The following SLIT2 variants were observed in gnomAD, a reference collection of about 807,000 sequenced individuals.
SLIT2 encodes slit homolog 2 protein.
A neutral mutation model predicts 185.7 loss-of-function variants in SLIT2; 41 were observed. The observed-to-expected ratio is 0.22, with a 90% confidence interval of 0.17 to 0.29. The LOEUF is 0.29. Among genes scored for constraint, SLIT2 ranks in the 10% least tolerant of loss-of-function variants. SLIT2 has a pLI of 1.00. For synonymous variants in SLIT2, 693 were observed against 680.2 expected (o/e 1.02, Z -0.29); for missense variants, 1,571 against 1,909.0 (o/e 0.82, Z 3.30).
At chr4:20,352,181 A>G (rs1341038808) in intron 4 of SLIT2, among the ~76,000 whole-genome samples, 1 of 152,212 alleles carries the variant, frequency 6.6e-6, no homozygotes, top group African/African-American at 2.4e-5. Flanking sequence ...TTATAGCAGT[A>G]CTTAATGTGT....
chr4:20,347,528 A>G (rs1386878038), intron 4 of SLIT2, among the ~76,000 whole-genome samples: 1 of 152,184 alleles, frequency 6.6e-6, no homozygotes, highest in Non-Finnish European at 1.5e-5. Context: ...AGTGTATTTC[A>G]CCAAAGATAA....
intron 2 of SLIT2, among the ~76,000 whole-genome samples, 174 bp from the exon 3 acceptor site, chr4:20,257,694 C>T (rs1711990541): frequency 1.3e-5 from 2 of 151,838 alleles, no homozygotes; most frequent in Admixed American, 6.6e-5. Flanking sequence ...ACTGCTATTT[C>T]CCTTCCATGA....
At chr4:20,615,483 T>G (rs963082685) in intron 34 of SLIT2, 11 of 152,222 alleles carry the variant, frequency 7.2e-5, no homozygotes, top group African/African-American at 2.4e-4. Context: ...AAGCTGCCTT[T>G]GAGCATGCAC....
At chr4:20,464,096 TTA>T (rs1381594784) in intron 4 of SLIT2, among the ~76,000 whole-genome samples, 2 of 152,022 alleles carry the variant, frequency 1.3e-5, no homozygotes, top group Non-Finnish European at 2.9e-5. Flanking sequence ...TTTTTTCTGT[TTA>T]TAGTGTGGAC....
At position 20,387,068 on chromosome 4, in the gene SLIT2, C is replaced by T. The variant is rs113183474; in HGVS notation, c.396-80684C>T. Among the ~76,000 whole-genome samples the T allele has an allele frequency of 5.9e-4, 90 of 152,206 alleles. No homozygotes were observed. The South Asian group carries it at 0.014, about 24-fold the overall frequency. ...GTCTTACAGGACGGAATTACCTGAC[C>T]GCCTTCTGGTAGGGTGAGCCTGTGA... On this transcript the variant is annotated intron_variant, in intron 4 of 36. Transcript: ENST00000504154.
chr4:20,562,702 T>C (rs1364915900), intron 26 of SLIT2, among the ~76,000 whole-genome samples: 33 of 151,816 alleles, frequency 2.2e-4, no homozygotes, highest in Non-Finnish European at 7.4e-5. Flanking sequence ...TTGGTATTAT[T>C]AATAAAACTT....
At chr4:20,539,112 G>C (rs545803158) in intron 18 of SLIT2, among the ~76,000 whole-genome samples, 1 of 152,274 alleles carries the variant, frequency 6.6e-6, no homozygotes, top group South Asian at 2.1e-4. Context: ...AGGACTCAGA[G>C]AGCTGTAGGT....
intron 18 of SLIT2, among the ~76,000 whole-genome samples, chr4:20,535,026 C>T (rs770797995): frequency 2.6e-5 from 4 of 152,016 alleles, no homozygotes; most frequent in Non-Finnish European, 2.9e-5. Flanking sequence ...GAGGACTGGG[C>T]GCGGTGGCTC....
intron 4 of SLIT2, among the ~76,000 whole-genome samples, chr4:20,439,129 T>C (rs551587020): frequency 6.6e-5 from 10 of 152,334 alleles, no homozygotes; most frequent in African/African-American, 2.2e-4. Flanking sequence ...ATTTCCTTTG[T>C]CATTTTCAGG....
intron 33 of SLIT2, among the ~76,000 whole-genome samples, chr4:20,603,325 A>C (rs188414165): frequency 1.4e-3 from 208 of 152,294 alleles, no homozygotes; most frequent in African/African-American, 4.6e-3. Context: ...CCCTCCCATA[A>C]CACGGGGAAT....
intron 4 of SLIT2, among the ~76,000 whole-genome samples, chr4:20,363,104 A>T (rs1722866198): frequency 6.6e-6 from 1 of 152,096 alleles, no homozygotes; most frequent in South Asian, 2.1e-4. Flanking sequence ...CTTATACCTA[A>T]TTAAAAATAT....
rs77881028 is a variant in SLIT2 at position 20,579,302 on chromosome 4, A to G, written c.3088+10298A>G. 2.9e-3 allele frequency among the ~76,000 whole-genome samples: 416 copies of G among 142,684 alleles called. 3 individuals are homozygous for G. Among genetic ancestry groups the G allele is most frequent in the African/African-American group, 9.7e-3 (384 of 39,444 alleles). 93.6% of individuals were successfully genotyped at this position (142,684 alleles called of 152,430 possible). On this transcript the variant is annotated intron_variant, in intron 29 of 36. Coordinates refer to ENST00000504154, the MANE Select transcript of SLIT2 (RefSeq NM_004787.4). ...TGACAGAACAAGACTCCGTCTAGGG[A>G]AAAAAAAAAAAAATAGCCCAGCCAA...
At chr4:20,556,485 A>C (rs1724263740) in intron 26 of SLIT2, among the ~76,000 whole-genome samples, 1 of 152,020 alleles carries the variant, frequency 6.6e-6, no homozygotes. Flanking sequence ...CACAAATCTG[A>C]AAAAAGTTGC....
chr4:20,514,472 C>T (rs1560491215), intron 11 of SLIT2, among the ~76,000 whole-genome samples: 1 of 152,024 alleles, frequency 6.6e-6, no homozygotes, highest in Non-Finnish European at 1.5e-5. Context: ...GAAACCCCGT[C>T]TCTACTGAAA....
At chr4:20,614,123 T>C (rs1409745123) in intron 34 of SLIT2, among the ~76,000 whole-genome samples, 2 of 152,096 alleles carry the variant, frequency 1.3e-5, no homozygotes, top group Non-Finnish European at 2.9e-5. Flanking sequence ...TCCACCCACC[T>C]CGGCCTCCCA....
intron 4 of SLIT2, among the ~76,000 whole-genome samples, chr4:20,348,089 T>G (rs1376254112): frequency 1.3e-5 from 2 of 152,264 alleles, no homozygotes; most frequent in East Asian, 3.8e-4. Flanking sequence ...TGACCATTTA[T>G]GTATTTACGT....
chr4:20,371,344 C>T (rs1723555998), intron 4 of SLIT2, among the ~76,000 whole-genome samples: 1 of 152,078 alleles, frequency 6.6e-6, no homozygotes, highest in African/African-American at 2.4e-5. Flanking sequence ...CACTCCACCA[C>T]ACACACACCC....
At chr4:20,393,203 C>T (rs994801875) in intron 4 of SLIT2, 7 of 152,048 alleles carry the variant, frequency 4.6e-5, no homozygotes, top group African/African-American at 1.7e-4. Flanking sequence ...CTTTATATGG[C>T]TCATAACTGT....
chr4:20,472,351 TAG>T lies in SLIT2; in HGVS notation c.467+4530_467+4531del, dbSNP rs1330954273. Among the ~76,000 whole-genome samples the T allele has an allele frequency of 3.8e-4, 23 of 59,858 alleles. No homozygotes were observed. In the South Asian group the frequency reaches 5.6e-3, roughly 14 times the overall value. The allele number at this position is 59,858 out of a possible 152,430, so 39.3% of individuals were successfully genotyped here. A position where few individuals can be genotyped will look rare whatever the true frequency, so the allele number is the denominator to read the frequency against. On this transcript the variant is annotated intron_variant, in intron 5 of 36. Transcript: ENST00000504154. ...CTATATATAGATCTATATATAGATA[TAG>T]ATATCTATATAGATATCTATATCTA... is the stretch of plus-strand genomic sequence containing the variant.
Sources: gnomAD v4.1 joint callset for allele counts (sites outside exome capture counted in the v4.1 genomes callset) on GRCh38, gnomAD v4.1.1 for gene constraint, MANE v1.5 for transcripts, NCBI Gene and HGNC (gene_info 2026-07-23, HGNC 2026-07-21) for gene names.